Variants in DDX54 observed in about 807,000 individuals in gnomAD.
The protein encoded by DDX54 is DEAD-box helicase 54, also known as ATP-dependent RNA helicase DDX54.
In DDX54, 67 loss-of-function variants were observed where a neutral mutation model predicts 105.5. That is an observed-to-expected ratio of 0.64 (90% CI 0.52 to 0.78). The LOEUF is 0.78. Ranked by LOEUF, DDX54 falls within the 30% of genes least tolerant of loss-of-function variation. The pLI is 0.00. For missense variants in DDX54, 1,206 were observed against 1,230.5 expected (o/e 0.98, Z 0.30); for synonymous variants, 514 against 509.9 (o/e 1.01, Z -0.11).
At chr12:113,165,504 G>A (rs573899403) in intron 14 of DDX54, 140 bp downstream of exon 14, 97 of 857,348 alleles carry the variant, frequency 1.1e-4, no homozygotes, top group Middle Eastern at 3.5e-4. Flanking sequence ...AATCCCTGCT[G>A]GGGTCCTGCT....
intron 11 of DDX54, among the ~76,000 whole-genome samples, chr12:113,171,934 CT>C (rs1336752110): frequency 6.6e-6 from 1 of 152,166 alleles, no homozygotes; most frequent in Non-Finnish European, 1.5e-5. Flanking sequence ...GCCAGCCTGC[CT>C]TGAGCATGCT....
chr12:113,173,743 G>A (rs1952364956), intron 10 of DDX54, among the ~76,000 whole-genome samples: 1 of 152,200 alleles, frequency 6.6e-6, no homozygotes, highest in Non-Finnish European at 1.5e-5. Flanking sequence ...GCAGGGACAG[G>A]CTTCAAAATA....
intron 5 of DDX54, among the ~76,000 whole-genome samples, chr12:113,178,691 C>T (rs909047808): frequency 2.0e-5 from 3 of 151,926 alleles, no homozygotes; most frequent in African/African-American, 4.8e-5. Flanking sequence ...TACAGGTATG[C>T]GACACCATGC....
At chr12:113,172,281 A>T in intron 11 of DDX54, 72 bp downstream of exon 11, 1 of 1,526,210 alleles carries the variant, frequency 6.6e-7, no homozygotes, top group South Asian at 1.2e-5. Flanking sequence ...TCAAGAGTTA[A>T]GCCTTGTACC....
At position 113,157,581 on chromosome 12, in the gene DDX54, CTTCGTGCTGGGCCCCCCCAGGTGAAGCTG is replaced by C. The variant is rs1252894578; in HGVS notation, c.*1267_*1295del. 1.9e-6 allele frequency: 3 copies of C among 1,550,690 alleles called. No homozygotes were observed. The highest frequency in any genetic ancestry group is 1.7e-4 in the Middle Eastern group (1 of 5,992). On this transcript the variant is annotated 3_prime_UTR_variant, in exon 20 of 20. Coordinates refer to ENST00000306014, the MANE Select transcript of DDX54 (RefSeq NM_024072.4). Reference sequence around the variant, plus strand: ...CAGTGACTCTGGGGCTGGGATGTGACTTCGTGCTGGGCCCCCCCAGGTGAAGCTGTTCATGCAGGACCTCTCTGCCATGC... The same window carrying C: ...CAGTGACTCTGGGGCTGGGATGTGACTTCATGCAGGACCTCTCTGCCATGC...
intron 1 of DDX54, among the ~76,000 whole-genome samples, chr12:113,181,438 G>A (rs945629216): frequency 2.0e-5 from 3 of 151,576 alleles, no homozygotes; most frequent in Admixed American, 6.6e-5. Context: ...GACTACAGGC[G>A]TATACTACCA....
At chr12:113,161,636 T>TAG in intron 18 of DDX54, 2 of 529,698 alleles carry the variant, frequency 3.8e-6, no homozygotes, top group Admixed American at 3.3e-5. Flanking sequence ...CAGGCCCCAC[T>TAG]TACTGGAGAT....
intron 18 of DDX54, 74 bp from the exon 19 acceptor site, chr12:113,161,456 A>C (rs951338301): frequency 4.1e-6 from 5 of 1,220,526 alleles, no homozygotes; most frequent in Admixed American, 2.0e-5. Context: ...CTGCCCCAGC[A>C]GACAGAGTTC....
In DDX54 at chr12:113,179,959, C is replaced by T. The variant is rs376704829; in HGVS notation, c.351G>A (p.Lys117=). 1.9e-6 allele frequency: 3 copies of T among 1,614,008 alleles called. No homozygotes were observed. The highest frequency in any genetic ancestry group is 1.7e-6 in the Non-Finnish European group (2 of 1,180,040). ...VFKGIMKKGY[K]VPTPIQRKTI... The stretch of plus-strand genomic sequence containing the variant: ...CCTTCCTCTGGATGGGTGTTGGCAC[C>T]TTGTACCCCTTCTTCATGATGCCTT... Residue 117 remains lysine (K), a synonymous_variant, in exon 3 of 20, where the codon AAG becomes AAA. Transcript: ENST00000306014.
At position 113,185,264 on chromosome 12, in the gene DDX54, C is replaced by A. The variant is rs781252499; in HGVS notation, c.174+14G>T. 1.4e-5 allele frequency: 22 copies of A among 1,538,920 alleles called. No homozygotes were observed. The highest frequency in any genetic ancestry group is 1.9e-5 in the Admixed American group (1 of 52,300). On this transcript the variant is annotated intron_variant, in intron 1 of 19. Transcript: ENST00000306014. ...TCTCGGGCCCGAACATGCGTCCCAGCCCCACGCGCCTACCTTCCGGGCCCG... is the reference window on the plus strand; with the variant it reads ...TCTCGGGCCCGAACATGCGTCCCAGACCCACGCGCCTACCTTCCGGGCCCG...
intron 1 of DDX54, 64 bp from the exon 2 acceptor site, chr12:113,181,122 A>G: frequency 1.3e-6 from 2 of 1,558,932 alleles, no homozygotes; most frequent in Non-Finnish European, 1.7e-6. Flanking sequence ...GGGGCAGGGA[A>G]GGGGCCTGTG....
chr12:113,165,600 C>T (rs1566094573), intron 14 of DDX54, 44 bp downstream of exon 14: 1 of 1,543,894 alleles, frequency 6.5e-7, no homozygotes, highest in African/African-American at 1.4e-5. Flanking sequence ...CTGGGCTCCA[C>T]AGAGCCAGGA....
chr12:113,159,096 G>T lies in DDX54; in HGVS notation c.2427C>A (p.Pro809=). The T allele has an allele frequency of 6.3e-7, 1 of 1,599,290 alleles. No homozygotes were observed. Among genetic ancestry groups the T allele is most frequent in the Non-Finnish European group, 8.5e-7 (1 of 1,173,934 alleles). Residue 809 remains proline, a synonymous_variant, in exon 20 of 20, where the codon CCC becomes CCA. Coordinates refer to ENST00000306014, the MANE Select transcript of DDX54 (RefSeq NM_024072.4). ...KRDRGQGASR[P]HAPGTPAGRV... Reference sequence around the variant, plus strand: ...GGCCTGCAGGGGTGCCTGGGGCGTGGGGCCGGGATGCACCTGCTGGGACAG... The same window carrying T: ...GGCCTGCAGGGGTGCCTGGGGCGTGTGGCCGGGATGCACCTGCTGGGACAG...
chr12:113,179,459 C>A, intron 3 of DDX54, 128 bp from the exon 4 acceptor site: 1 of 1,059,688 alleles, frequency 9.4e-7, no homozygotes, highest in Non-Finnish European at 1.4e-6. Flanking sequence ...CGTCACCCAG[C>A]CCTGAGCCTA....
At chr12:113,165,779 C>T (rs1952265180) in intron 13 of DDX54, 23 bp downstream of exon 13, 5 of 1,600,798 alleles carry the variant, frequency 3.1e-6, no homozygotes, top group Non-Finnish European at 4.3e-6. Context: ...ACCTGCCACC[C>T]CCTGCCTTGT....
Position 113,159,042 on chromosome 12 carries a change from C to A in DDX54, c.2481G>T (p.Gln827His), listed in dbSNP as rs1345242015. The change falls in exon 20 of 20, where the codon CAG (glutamine) becomes CAT (histidine). Residue 827 changes from glutamine to histidine, a missense_variant. Coordinates refer to ENST00000306014, the MANE Select transcript of DDX54 (RefSeq NM_024072.4). ...CCCGGCGCCGCTGCTTCAGGATCTG[C>A]TGCTTGGTCTTGAGTTCCGGGCGGA... ...GRVRPELKTK[Q>H]QILKQRRRAQ... 2 of 1,611,386 alleles carry A rather than the reference C, an allele frequency of 1.2e-6. No individual in the cohort carries two copies. The highest frequency in any genetic ancestry group is 3.3e-5 in the Admixed American group (2 of 59,882).
chr12:113,165,252 T>A (rs1325491189), intron 14 of DDX54, among the ~76,000 whole-genome samples: 1 of 152,048 alleles, frequency 6.6e-6, no homozygotes, highest in Admixed American at 6.6e-5. Context: ...CAAGATGGGG[T>A]GCCTAATGGG....
Position 113,158,978 on chromosome 12 carries a change from G to C in DDX54, c.2545C>G (p.Gln849Glu). The C allele has an allele frequency of 6.2e-7, 1 of 1,611,332 alleles. No individual in the cohort carries two copies. Among genetic ancestry groups the C allele is most frequent in the Non-Finnish European group, 8.5e-7 (1 of 1,179,126 alleles). ...CGGCGGCGGTTGCGGGCAGAGAGCT[G>C]CTTGAGGCCACCACGCTGCAGGAAG... ...LHFLQRGGLK[Q>E]LSARNRRRVQ... Residue 849 changes from glutamine (Q) to glutamate (E), a missense_variant, in exon 20 of 20, where the codon CAG becomes GAG. By Grantham distance (29) the Gln-to-Glu change is conservative. Around this residue, in one of 3 missense-constraint regions of DDX54, gnomAD observed 961 missense variants for 1,019.1 expected, o/e 0.94. Transcript: ENST00000306014. This position sits in a 1 kb window ranked among gnomAD's most constrained non-coding sequence, Gnocchi z 4.9.
chr12:113,170,383 G>A (rs901358469), intron 11 of DDX54, among the ~76,000 whole-genome samples: 2 of 152,220 alleles, frequency 1.3e-5, no homozygotes, highest in Non-Finnish European at 2.9e-5. Flanking sequence ...GCTCACGCCT[G>A]TAATCACAGC....
Sources: allele counts gnomAD v4.1 joint callset (sites outside exome capture counted in the v4.1 genomes callset), GRCh38; gene constraint gnomAD v4.1.1; regional missense constraint gnomAD v4.1.1; non-coding constraint Gnocchi (gnomAD v3.1); transcripts MANE v1.5; gene names NCBI Gene and HGNC (gene_info 2026-07-23, HGNC 2026-07-21).